Variants in RNASEH1 observed in about 807,000 individuals in gnomAD.
RNASEH1 encodes the protein ribonuclease H type II.
RNASEH1 carries 27 observed loss-of-function variants against 34.6 expected under a neutral mutation model. The ratio of observed to expected loss-of-function variants is 0.78; its 90% confidence interval spans 0.58 to 1.08. The LOEUF is 1.08. Ranked by LOEUF, RNASEH1 falls within the 50% of genes least tolerant of loss-of-function variation. RNASEH1 has a pLI of 0.00. For missense variants in RNASEH1, 349 were observed against 373.6 expected, an observed-to-expected ratio of 0.93 and a Z score of 0.54; for synonymous variants, 162 against 138.4, an observed-to-expected ratio of 1.17 and a Z score of -1.20.
rs1359690901 is a variant in RNASEH1 at position 3,548,634 on chromosome 2, G to A, written c.649+6C>T. ...AAAACAGAAGAAATCAAATGTGAAA[G>A]CTTACCATTTATCGTAAACATACTG... On this transcript the variant is annotated splice_donor_region_variant and intron_variant, in intron 6 of 7. Transcript: ENST00000315212. The A allele has an allele frequency of 3.2e-6, 5 of 1,556,052 alleles. No individual in the cohort carries two copies. In the East Asian group the frequency reaches 1.1e-4, roughly 35 times the overall value.
chr2:3,549,391 A>G (rs1224405638), intron 4 of RNASEH1, among the ~76,000 whole-genome samples: 1 of 152,250 alleles, frequency 6.6e-6, no homozygotes, highest in Non-Finnish European at 1.5e-5. Flanking sequence ...GAATCCCAGG[A>G]GAAAACTCGG....
At chr2:3,552,397 ATCAT>A (rs1336499771) in intron 2 of RNASEH1, 89 bp from the exon 3 acceptor site, 1 of 1,283,084 alleles carries the variant, frequency 7.8e-7, no homozygotes, top group African/African-American at 1.5e-5. Flanking sequence ...ATTATTTAGT[ATCAT>A]TAAATCAGAC....
chr2:3,552,537 C>T (rs1411366478), intron 2 of RNASEH1, among the ~76,000 whole-genome samples: 3 of 99,028 alleles, frequency 3.0e-5, no homozygotes. Context: ...CTCCACACCA[C>T]CTCCACCCCC....
At chr2:3,532,254 T>C in the RNASEH1 span, 2 of 702,180 alleles carry the variant, frequency 2.8e-6, no homozygotes, top group Non-Finnish European at 5.2e-6. Flanking sequence ...CTCATGACCC[T>C]CATGTTATCT....
At chr2:3,556,729 T>A in intron 2 of RNASEH1, 60 bp downstream of exon 2, 2 of 1,097,644 alleles carry the variant, frequency 1.8e-6, no homozygotes, top group Non-Finnish European at 2.8e-6. Context: ...TCAAATGCCA[T>A]CTGGCATATG....
intron 7 of RNASEH1, 95 bp downstream of exon 7, chr2:3,547,834 TTA>T (rs1668903854): frequency 8.6e-7 from 1 of 1,163,432 alleles, no homozygotes; most frequent in South Asian, 1.3e-5. Flanking sequence ...ATGGAAATTG[TTA>T]TGTCATTAAA....
chr2:3,553,054 C>G (rs557153285), intron 2 of RNASEH1, among the ~76,000 whole-genome samples: 8 of 152,022 alleles, frequency 5.3e-5, no homozygotes, highest in Non-Finnish European at 1.2e-4. Flanking sequence ...TCAAGACCAG[C>G]CTGGTCAACA....
At chr2:3,538,366 T>A (rs1302620835), downstream of RNASEH1, among the ~76,000 whole-genome samples, 1 of 150,476 alleles carries the variant, frequency 6.6e-6, no homozygotes, top group African/African-American at 2.4e-5. Flanking sequence ...AAAATATATA[T>A]AATATATATA....
In RNASEH1 at chr2:3,548,004, G is replaced by C. The variant is rs952190729; in HGVS notation, c.701C>G (p.Ala234Gly). The change falls in exon 7 of 8, where the codon GCA becomes GGA. Residue 234 changes from alanine (A) to glycine (G), a missense_variant. This residue lies in a region of RNASEH1 where 93 missense variants were observed against 132.9 expected (regional missense o/e 0.70). Coordinates refer to ENST00000315212, the MANE Select transcript of RNASEH1 (RefSeq NM_002936.6). ...GWKKNGWKTS[A>G]GKEVINKEDF... is the part of the protein sequence containing the mutation. ...CTCTTTGTTGATCACCTCTTTCCCTGCACTTGTCTTCCACCCATTTTTCTT... is the reference window on the plus strand; with the variant it reads ...CTCTTTGTTGATCACCTCTTTCCCTCCACTTGTCTTCCACCCATTTTTCTT... 8 of 1,613,526 alleles carry C rather than the reference G, an allele frequency of 5.0e-6. No individual in the cohort carries two copies. The highest frequency in any genetic ancestry group is 2.5e-6 in the Non-Finnish European group (3 of 1,179,616).
At chr2:3,551,872 C>T (rs1025847572) in intron 3 of RNASEH1, among the ~76,000 whole-genome samples, 3 of 152,186 alleles carry the variant, frequency 2.0e-5, no homozygotes, top group Admixed American at 6.5e-5. Flanking sequence ...TTCATCTTAA[C>T]GTTAAGTACT....
At chr2:3,549,948 GAAAAA>G in intron 4 of RNASEH1, among the ~76,000 whole-genome samples, 1 of 124,604 alleles carries the variant, frequency 8.0e-6, no homozygotes, top group African/African-American at 3.0e-5. Flanking sequence ...TCCGTCTCAG[GAAAAA>G]AAAAAAAAAA....
intron 7 of RNASEH1, among the ~76,000 whole-genome samples, chr2:3,546,592 T>A (rs1473374374): frequency 1.3e-5 from 2 of 152,080 alleles, no homozygotes; most frequent in East Asian, 1.9e-4. Flanking sequence ...TGTGCCCAGG[T>A]TGGGTGTTAC....
At chr2:3,550,695 G>C (rs537963629) in intron 3 of RNASEH1, among the ~76,000 whole-genome samples, 10 of 152,190 alleles carry the variant, frequency 6.6e-5, no homozygotes, top group Non-Finnish European at 1.2e-4. Flanking sequence ...AGGCAAGTTC[G>C]GGGTGAAGGC....
the RNASEH1 span, among the ~76,000 whole-genome samples, chr2:3,535,301 C>T: frequency 6.6e-6 from 1 of 151,864 alleles, no homozygotes; most frequent in South Asian, 2.1e-4. Flanking sequence ...TGGTGTGTGC[C>T]TCTAGTCCCC....
At position 3,543,714 on chromosome 2, in the gene RNASEH1, G is replaced by A. The variant is rs1668494664; in HGVS notation, c.*2071C>T. Among the ~76,000 whole-genome samples, 1 of 151,934 alleles carries A rather than the reference G, an allele frequency of 6.6e-6. No individual in the cohort carries two copies. Among genetic ancestry groups the A allele is most frequent in the African/African-American group, 2.4e-5 (1 of 41,332 alleles). On this transcript the variant is annotated 3_prime_UTR_variant, in exon 8 of 8. Coordinates refer to ENST00000315212, the MANE Select transcript of RNASEH1 (RefSeq NM_002936.6). ...CATCCTCGACCTCCTGGGCCCAAGC[G>A]ATCCTCCCATCTCAGCCTCCAGAAT...
chr2:3,553,899 G>T (rs1660237451), intron 2 of RNASEH1, among the ~76,000 whole-genome samples: 1 of 152,190 alleles, frequency 6.6e-6, no homozygotes, highest in African/African-American at 2.4e-5. Flanking sequence ...CCCTGGGCTA[G>T]ATGATCTCAA....
rs552154072 is a variant in RNASEH1, at chr2:3,556,981, G to T, written c.129-77C>A. On this transcript the variant is annotated intron_variant, in intron 1 of 7. Transcript: ENST00000315212. ...TTTTTTATTGAGATTCTTAAGGTTG[G>T]AAATACAGTTGTCCCTTGGTATCTG... The T allele has an allele frequency of 4.5e-4, 491 of 1,100,666 alleles. 9 individuals carry two copies. The South Asian group carries it at 6.0e-3, about 14-fold the overall frequency. 68.2% of individuals were successfully genotyped at this position (1,100,666 alleles called of 1,614,324 possible). A position where few individuals can be genotyped will look rare whatever the true frequency, so the allele number is the denominator to read the frequency against.
chr2:3,552,305 T>C lies in RNASEH1; in HGVS notation c.248A>G (p.His83Arg), dbSNP rs1558456203. Residue 83 changes from histidine to arginine, a missense_variant, in exon 3 of 8, where the codon CAT becomes CGT. Coordinates refer to ENST00000315212, the MANE Select transcript of RNASEH1 (RefSeq NM_002936.6). ...CGATTCTTGTCCATGTTGATTTTCATGCCCTGAAAGACAAGAGTCCACTCG... is the reference window on the plus strand; with the variant it reads ...CGATTCTTGTCCATGTTGATTTTCACGCCCTGAAAGACAAGAGTCCACTCG... ...KSASPEVSEG[H>R]ENQHGQESEA... The C allele has an allele frequency of 5.0e-6, 8 of 1,613,150 alleles. No homozygotes were observed. Among genetic ancestry groups the C allele is most frequent in the Non-Finnish European group, 6.8e-6 (8 of 1,179,828 alleles).
chr2:3,544,133 A>C lies in RNASEH1; in HGVS notation c.*1652T>G, dbSNP rs1668534031. On this transcript the variant is annotated 3_prime_UTR_variant, in exon 8 of 8. Coordinates refer to ENST00000315212, the MANE Select transcript of RNASEH1 (RefSeq NM_002936.6). Reference sequence around the variant, plus strand: ...TAATAAAGGCAAGCAAAACGACAGAATGAGAATACCACCATTTTGCAACCC... The same window carrying C: ...TAATAAAGGCAAGCAAAACGACAGACTGAGAATACCACCATTTTGCAACCC... 6.6e-6 allele frequency among the ~76,000 whole-genome samples: 1 copy of C among 152,248 alleles called. No individual in the cohort carries two copies. The highest frequency in any genetic ancestry group is 2.1e-4 in the South Asian group (1 of 4,836).
Sources: allele counts gnomAD v4.1 joint callset (sites outside exome capture counted in the v4.1 genomes callset), GRCh38; gene constraint gnomAD v4.1.1; regional missense constraint gnomAD v4.1.1; transcripts MANE v1.5; gene names NCBI Gene and HGNC (gene_info 2026-07-23, HGNC 2026-07-21).